ARHGAP26: variants seen among roughly 807,000 people sequenced by gnomAD.
ARHGAP26 encodes the protein rho GTPase-activating protein 26.
ARHGAP26 carries 38 observed loss-of-function variants against 104.8 expected under a neutral mutation model. The observed-to-expected ratio is 0.36, with a 90% CI of 0.28 to 0.48. The LOEUF (loss-of-function observed/expected upper bound fraction) is 0.48. Ranked by LOEUF, ARHGAP26 falls within the 20% of genes least tolerant of loss-of-function variation. The pLI, the probability that ARHGAP26 is intolerant of heterozygous loss-of-function variation, is 0.99. For synonymous variants in ARHGAP26, 341 were observed against 340.0 expected, an observed-to-expected ratio of 1.00 and a Z score of -0.03; for missense variants, 704 against 947.9, an observed-to-expected ratio of 0.74 and a Z score of 3.38.
At chr5:142,943,093 T>A (rs1766615150) in intron 11 of ARHGAP26, among the ~76,000 whole-genome samples, 1 of 152,234 alleles carries the variant, frequency 6.6e-6, no homozygotes, top group Admixed American at 6.5e-5. Context: ...GATTGTGATC[T>A]TGAAGTGATA....
At chr5:143,102,611 C>T (rs112719121) in intron 17 of ARHGAP26, among the ~76,000 whole-genome samples, 1,540 of 152,342 alleles carry the variant, frequency 0.01, 28 homozygotes, top group African/African-American at 0.036. Flanking sequence ...GTGCCTGTTG[C>T]GTCGCCCATC....
intron 22 of ARHGAP26, chr5:143,216,143 G>A (rs949013003): frequency 2.8e-5 from 13 of 471,446 alleles, no homozygotes; most frequent in Admixed American, 4.7e-5. Flanking sequence ...AAAAGGAAGA[G>A]AAGCCTGGAT....
At chr5:142,909,683 GA>G (rs1761573380) in intron 9 of ARHGAP26, among the ~76,000 whole-genome samples, 2 of 152,184 alleles carry the variant, frequency 1.3e-5, no homozygotes, top group Non-Finnish European at 2.9e-5. Context: ...TTACATTTAG[GA>G]GGAATATTAA....
chr5:143,171,026 G>A (rs1334012865), intron 20 of ARHGAP26, among the ~76,000 whole-genome samples: 1 of 152,096 alleles, frequency 6.6e-6, no homozygotes, highest in Non-Finnish European at 1.5e-5. Flanking sequence ...AAGAGAAAAA[G>A]AGAGGGGAAA....
intron 17 of ARHGAP26, among the ~76,000 whole-genome samples, chr5:143,066,525 A>G (rs987715330): frequency 3.3e-5 from 5 of 152,198 alleles, no homozygotes; most frequent in African/African-American, 1.2e-4. Flanking sequence ...AATTTCTACA[A>G]TCTGTTGGAG....
chr5:142,866,779 G>GT (rs938522651), intron 1 of ARHGAP26: 2 of 152,200 alleles, frequency 1.3e-5, no homozygotes, highest in African/African-American at 4.8e-5. Flanking sequence ...GCACGCAGAT[G>GT]TATGATCAGA....
At chr5:143,145,867 C>T (rs746198803) in intron 19 of ARHGAP26, among the ~76,000 whole-genome samples, 4 of 152,106 alleles carry the variant, frequency 2.6e-5, no homozygotes, top group Non-Finnish European at 4.4e-5. Context: ...ATGTATTTAA[C>T]GTGAGGCTTA....
chr5:143,007,953 G>A (rs1406423881), intron 11 of ARHGAP26, among the ~76,000 whole-genome samples: 1 of 152,172 alleles, frequency 6.6e-6, no homozygotes, highest in Non-Finnish European at 1.5e-5. Context: ...CAATGCCACA[G>A]GGTCCCTCAA....
chr5:142,966,690 A>G (rs751481750), intron 11 of ARHGAP26, among the ~76,000 whole-genome samples: 2 of 152,260 alleles, frequency 1.3e-5, no homozygotes, highest in African/African-American at 4.8e-5. Flanking sequence ...TAAAGATTCT[A>G]TACAGGAAAA....
At chr5:142,828,368 T>C (rs1460769028) in intron 1 of ARHGAP26, among the ~76,000 whole-genome samples, 1 of 152,216 alleles carries the variant, frequency 6.6e-6, no homozygotes, top group East Asian at 1.9e-4. Context: ...TTACAGCATA[T>C]GCACCACAAA....
At chr5:143,116,613 G>C (rs185269175) in intron 17 of ARHGAP26, among the ~76,000 whole-genome samples, 1 of 152,262 alleles carries the variant, frequency 6.6e-6, no homozygotes, top group East Asian at 1.9e-4. Context: ...AGCCCTACAA[G>C]GGTTGGCTAC....
At chr5:143,157,896 G>A (rs1191946786) in intron 20 of ARHGAP26, among the ~76,000 whole-genome samples, 1 of 152,180 alleles carries the variant, frequency 6.6e-6, no homozygotes, top group South Asian at 2.1e-4. Flanking sequence ...CCTCAGCTCT[G>A]CCATTTCCTA....
At chr5:142,985,675 G>A (rs1774604582) in intron 11 of ARHGAP26, among the ~76,000 whole-genome samples, 1 of 83,622 alleles carries the variant, frequency 1.2e-5, no homozygotes, top group African/African-American at 4.9e-5. Flanking sequence ...CCCTACAACA[G>A]GCCCTGGTGT....
chr5:143,114,309 G>A (rs754970396), intron 17 of ARHGAP26, among the ~76,000 whole-genome samples: 17 of 152,114 alleles, frequency 1.1e-4, no homozygotes, highest in Admixed American at 6.5e-4. Flanking sequence ...GGGTGTTCTC[G>A]ACAGAGGCCT....
chr5:143,140,917 T>A (rs989872287), intron 19 of ARHGAP26, among the ~76,000 whole-genome samples: 1 of 152,246 alleles, frequency 6.6e-6, no homozygotes, highest in African/African-American at 2.4e-5. Flanking sequence ...ATTTCTCATG[T>A]GTGTCTTCCT....
intron 17 of ARHGAP26, among the ~76,000 whole-genome samples, chr5:143,096,751 AC>A (rs1397377679): frequency 6.6e-6 from 1 of 151,700 alleles, no homozygotes; most frequent in Non-Finnish European, 1.5e-5. Context: ...ATAACTTGGT[AC>A]CACTGTCTAG....
At chr5:142,861,935 C>T (rs1198086864) in intron 1 of ARHGAP26, among the ~76,000 whole-genome samples, 1 of 152,220 alleles carries the variant, frequency 6.6e-6, no homozygotes, top group Non-Finnish European at 1.5e-5. Context: ...TGATTGCCCT[C>T]AAATTCACGT....
chr5:143,178,021 A>G (rs1039940763), intron 20 of ARHGAP26, among the ~76,000 whole-genome samples: 1 of 105,900 alleles, frequency 9.4e-6, no homozygotes, highest in Non-Finnish European at 1.8e-5. Context: ...TTTTTTTGAG[A>G]CAGCATCTCA....
chr5:142,889,870 C>T (rs1462537360), intron 5 of ARHGAP26, among the ~76,000 whole-genome samples: 3 of 151,656 alleles, frequency 2.0e-5, no homozygotes, highest in South Asian at 2.1e-4. Flanking sequence ...CGCGGTGGCT[C>T]ATGCCTGGAA....
Sources: gnomAD v4.1 joint callset for allele counts (sites outside exome capture counted in the v4.1 genomes callset) on GRCh38, gnomAD v4.1.1 for gene constraint, MANE v1.5 for transcripts, NCBI Gene and HGNC (gene_info 2026-07-23, HGNC 2026-07-21) for gene names.